The following ZNF177 variants were observed in gnomAD, a reference collection of about 807,000 sequenced individuals.
The protein encoded by ZNF177 is zinc finger protein 177.
In ZNF177, 17 loss-of-function variants were observed where a neutral mutation model predicts 19.4. That is an observed-to-expected ratio of 0.87 (90% confidence interval 0.60 to 1.31). The LOEUF (loss-of-function observed/expected upper bound fraction) is 1.31, where lower values mean the gene tolerates loss of function less well. Among genes scored for constraint, ZNF177 ranks in the 40% most tolerant of loss-of-function variants. ZNF177 has a pLI of 0.00. For synonymous variants in ZNF177, 220 were observed against 188.7 expected, an observed-to-expected ratio of 1.17 and a Z score of -1.36; for missense variants, 633 against 561.8, an observed-to-expected ratio of 1.13 and a Z score of -1.28.
At chr19:9,381,662 G>A (rs143281399) in exon 6 of ZNF177, 5 of 1,614,192 alleles carry the variant, frequency 3.1e-6, no homozygotes, top group Non-Finnish European at 4.2e-6. Context: ...GTACACGTGA[G>A]AACTCACACT....
Position 9,380,655 on chromosome 19 carries a change from C to T in ZNF177, c.337-13C>T. On this transcript the variant is annotated splice_polypyrimidine_tract_variant and intron_variant, in intron 5 of 5. Coordinates refer to ENST00000589262, the Ensembl canonical transcript of ZNF177. ...AAAAAGCCTCTAGTCACCACTTACT[C>T]CCTTTTCAACAGGCAGAAAATCAAC... 2 of 1,535,754 alleles carry T rather than the reference C, an allele frequency of 1.3e-6. No individual in the cohort carries two copies. The highest frequency in any genetic ancestry group is 1.7e-6 in the Non-Finnish European group (2 of 1,146,798).
rs536977487 is a variant in ZNF177 at position 9,380,841 on chromosome 19, C to T, written c.510C>T (p.His170=). 9.3e-5 allele frequency: 143 copies of T among 1,536,124 alleles called. No homozygotes were observed. In the Middle Eastern group the frequency reaches 1.8e-3, roughly 20 times the overall value. The change falls in exon 6 of 6, where the codon CAC becomes CAT. Residue 170 remains histidine, a synonymous_variant. Coordinates refer to ENST00000589262, the Ensembl canonical transcript of ZNF177. ...CTCTTAGGAGTCATGTGAGCATTCA[C>T]ATTGGAGAGAAAACTCTTGAATTTA...
chr19:9,375,349 T>C (rs926726596), upstream of ZNF177, among the ~76,000 whole-genome samples: 10 of 152,204 alleles, frequency 6.6e-5, no homozygotes, highest in Non-Finnish European at 1.2e-4. Context: ...GCTGACCTCA[T>C]AAAATGAGTT....
chr19:9,371,022 CATG>C (rs934926174), intron 2 of ZNF177, among the ~76,000 whole-genome samples: 5 of 152,194 alleles, frequency 3.3e-5, no homozygotes, highest in Admixed American at 6.5e-5. Flanking sequence ...GCTATCCGTA[CATG>C]ATTAGTGGTT....
At chr19:9,381,558 T>G (rs1005417841) in exon 6 of ZNF177, 2 of 1,614,004 alleles carry the variant, frequency 1.2e-6, no homozygotes, top group African/African-American at 2.7e-5. Flanking sequence ...GCACAGGCTC[T>G]TACCTTATTG....
At chr19:9,378,259 C>T in exon 2 of ZNF177, 2 of 1,610,760 alleles carry the variant, frequency 1.2e-6, no homozygotes, top group Non-Finnish European at 1.7e-6. Context: ...TCTCCTCTAG[C>T]TCTGCCTGCT....
In ZNF177 at chr19:9,381,649, A is replaced by AG; in HGVS notation, c.1321dup (p.Val441GlyfsTer13). The stretch of plus-strand genomic sequence containing the variant: ...GGCCTTTAGGAATTCCTCTTGCCTG[A>AG]GGGTACACGTGAGAACTCACACTGG... On this transcript the variant is annotated frameshift_variant, in exon 6 of 6. Transcript: ENST00000589262. LOFTEE classifies it low-confidence loss of function (END_TRUNC). The AG allele has an allele frequency of 6.2e-7, 1 of 1,614,096 alleles. No individual in the cohort carries two copies. The highest frequency in any genetic ancestry group is 8.5e-7 in the Non-Finnish European group (1 of 1,179,966).
At chr19:9,376,256 G>C (rs2068108130), upstream of ZNF177, 1 of 152,166 alleles carries the variant, frequency 6.6e-6, no homozygotes, top group African/African-American at 2.4e-5. Context: ...CCACCAAGTA[G>C]CTGGGACTAC....
In ZNF177 at chr19:9,364,690, G is replaced by T. The variant is rs139304343; in HGVS notation, c.-391-172G>T. Among the ~76,000 whole-genome samples, 235 of 152,266 alleles carry T rather than the reference G, an allele frequency of 1.5e-3. 2 individuals are homozygous for T. In the East Asian group the frequency reaches 0.036, roughly 24 times the overall value. ...GAGATGCAAAGTAAAAAGATGAGGAGTGCTGAAAGGGGTGTCTTGTACTTA... is the reference window on the plus strand; with the variant it reads ...GAGATGCAAAGTAAAAAGATGAGGATTGCTGAAAGGGGTGTCTTGTACTTA... On this transcript the variant is annotated intron_variant, in intron 1 of 8. Coordinates refer to the ZNF177 transcript ENST00000343499.
At position 9,379,094 on chromosome 19, in the gene ZNF177, G is replaced by T. The variant is rs1257820352; in HGVS notation, c.160+6G>T. ...TAGGAACCTGGCCTCAGTAGGTAAG[G>T]CTGGCCTCATTTCTTCATTTGTTTA... On this transcript the variant is annotated splice_donor_region_variant and intron_variant, in intron 3 of 5. Coordinates refer to ENST00000589262, the Ensembl canonical transcript of ZNF177. 2 of 1,595,848 alleles carry T rather than the reference G, an allele frequency of 1.3e-6. No homozygotes were observed. The highest frequency in any genetic ancestry group is 1.7e-6 in the Non-Finnish European group (2 of 1,170,374).
upstream of ZNF177, among the ~76,000 whole-genome samples, chr19:9,371,952 A>C (rs145804920): frequency 6.6e-6 from 1 of 152,186 alleles, no homozygotes; most frequent in African/African-American, 2.4e-5. Context: ...AAGCTTTTAT[A>C]TATTTTAAAA....
At chr19:9,380,747 C>A in exon 6 of ZNF177, 1 of 1,535,972 alleles carries the variant, frequency 6.5e-7, no homozygotes, top group South Asian at 1.2e-5. Context: ...TTTATTTGTA[C>A]AAGATATTGC....
chr19:9,379,723 T>C, intron 4 of ZNF177, 104 bp downstream of exon 6: 1 of 1,326,958 alleles, frequency 7.5e-7, no homozygotes, highest in South Asian at 1.5e-5. Context: ...TGACATGAGC[T>C]TCCTTCCTGT....
chr19:9,377,757 G>A (rs1162180083), intron 1 of ZNF177, among the ~76,000 whole-genome samples: 1 of 152,114 alleles, frequency 6.6e-6, no homozygotes, highest in Non-Finnish European at 1.5e-5. Context: ...ATTATGAAAT[G>A]CAAATATGCT....
upstream of ZNF177, among the ~76,000 whole-genome samples, chr19:9,374,992 T>C (rs115757843): frequency 6.5e-3 from 984 of 152,304 alleles, 9 homozygotes; most frequent in African/African-American, 0.022. Context: ...CTATGGCCTT[T>C]ACTGGTGTTG....
At chr19:9,372,827 G>A (rs1395597159), upstream of ZNF177, among the ~76,000 whole-genome samples, 1 of 151,982 alleles carries the variant, frequency 6.6e-6, no homozygotes, top group Non-Finnish European at 1.5e-5. Flanking sequence ...GATGACAGGC[G>A]TGAGCCACCA....
At chr19:9,377,001 T>C (rs2068118679) in intron 1 of ZNF177, among the ~76,000 whole-genome samples, 3 of 152,188 alleles carry the variant, frequency 2.0e-5, no homozygotes, top group Admixed American at 1.3e-4. Flanking sequence ...GAAGTTTTTA[T>C]CTCTCCTTCA....
exon 3 of ZNF177, chr19:9,379,001 CAGG>C (rs772041684): frequency 1.9e-6 from 3 of 1,609,286 alleles, no homozygotes; most frequent in Non-Finnish European, 2.5e-6. Context: ...GGACTTTTCC[CAGG>C]AGGAGTGGGC....
chr19:9,376,306 T>C (rs1460470269), upstream of ZNF177: 2 of 152,166 alleles, frequency 1.3e-5, no homozygotes, highest in Non-Finnish European at 2.9e-5. Context: ...TTTTAAATTG[T>C]TTTCTGTAGA....
Sources: allele counts gnomAD v4.1 joint callset (sites outside exome capture counted in the v4.1 genomes callset), GRCh38; gene constraint gnomAD v4.1.1; transcripts MANE v1.5; gene names NCBI Gene and HGNC (gene_info 2026-07-23, HGNC 2026-07-21).